The following DTWD2 variants were observed in gnomAD, a reference collection of about 807,000 sequenced individuals.
DTWD2 encodes tRNA-uridine aminocarboxypropyltransferase 2.
Under a neutral mutation model 31.8 loss-of-function variants are expected in DTWD2, and 39 were observed. The ratio of observed to expected loss-of-function variants is 1.22; its 90% confidence interval spans 0.95 to 1.60. DTWD2 has a LOEUF of 1.60. Among genes scored for constraint, DTWD2 ranks in the 40% most tolerant of loss-of-function variants. DTWD2 has a pLI of 0.00. For synonymous variants in DTWD2, 180 were observed against 142.8 expected (o/e 1.26, Z -1.86); for missense variants, 515 against 381.5 (o/e 1.35, Z -2.92).
chr5:118,884,996 C>CAAAAAAAAAAA lies in DTWD2; in HGVS notation c.598-36789_598-36779dup, dbSNP rs36042211. Among the ~76,000 whole-genome samples, 57 of 49,746 alleles carry CAAAAAAAAAAA rather than the reference C, an allele frequency of 1.1e-3. 3 individuals are homozygous for CAAAAAAAAAAA. The highest frequency in any genetic ancestry group is 0.017 in the Middle Eastern group (1 of 58). 32.6% of individuals were successfully genotyped at this position (49,746 alleles called of 152,430 possible). On this transcript the variant is annotated intron_variant, in intron 4 of 5. Transcript: ENST00000510708. The stretch of plus-strand genomic sequence containing the variant: ...GGGGGACAGAGTGAGACTCCATCTC[C>CAAAAAAAAAAA]AAAAAAAAAAAAAAAAAAAAAAATC...
Position 118,965,400 on chromosome 5 carries a change from C to T in DTWD2, c.219-20751G>A, listed in dbSNP as rs1021544369. Among the ~76,000 whole-genome samples the T allele has an allele frequency of 2.5e-4, 38 of 152,088 alleles. 1 individual carries two copies. Among genetic ancestry groups the T allele is most frequent in the Admixed American group, 2.0e-3 (30 of 15,280 alleles). On this transcript the variant is annotated intron_variant, in intron 1 of 5. Coordinates refer to ENST00000510708, the MANE Select transcript of DTWD2 (RefSeq NM_173666.4). ...CTGGGAAGTGAGGAGCCCCTCTGCC[C>T]GGCCGCCACCCCGTCTGGGAGGTGT...
intron 4 of DTWD2, among the ~76,000 whole-genome samples, chr5:118,887,191 G>A (rs1161718728): frequency 6.6e-6 from 1 of 152,064 alleles, no homozygotes; most frequent in Non-Finnish European, 1.5e-5. Context: ...ACTTGCTAGG[G>A]GGTCTTTTAA....
intron 4 of DTWD2, among the ~76,000 whole-genome samples, chr5:118,892,996 T>C (rs1753006322): frequency 6.6e-6 from 1 of 150,920 alleles, no homozygotes; most frequent in South Asian, 2.1e-4. Flanking sequence ...ATGGGAGTGG[T>C]TACTAGGAAA....
At chr5:118,861,937 GA>G (rs1403809287) in intron 4 of DTWD2, among the ~76,000 whole-genome samples, 1 of 152,112 alleles carries the variant, frequency 6.6e-6, no homozygotes, top group Non-Finnish European at 1.5e-5. Context: ...CAGGCAGAGC[GA>G]GTAACAACAG....
chr5:118,964,488 G>C (rs891798944), intron 1 of DTWD2, among the ~76,000 whole-genome samples: 10 of 152,008 alleles, frequency 6.6e-5, no homozygotes, highest in African/African-American at 2.2e-4. Context: ...CTCTGATGCC[G>C]AGCCGAAGCT....
chr5:118,978,048 A>G (rs1353465170), intron 1 of DTWD2, among the ~76,000 whole-genome samples: 1 of 152,166 alleles, frequency 6.6e-6, no homozygotes, highest in Non-Finnish European at 1.5e-5. Flanking sequence ...AAACAAGACT[A>G]CACACCTACA....
intron 4 of DTWD2, among the ~76,000 whole-genome samples, chr5:118,880,564 T>C (rs985434011): frequency 2.6e-5 from 4 of 152,190 alleles, no homozygotes; most frequent in Admixed American, 1.3e-4. Flanking sequence ...TGTTGGGCTA[T>C]GGCATCTCTA....
intron 1 of DTWD2, among the ~76,000 whole-genome samples, chr5:118,973,312 T>A (rs760128929): frequency 6.6e-6 from 1 of 152,212 alleles, no homozygotes; most frequent in Non-Finnish European, 1.5e-5. Context: ...GTTAGCTGGT[T>A]ATTTTGCCCC....
chr5:118,842,914 T>G (rs1352106761), intron 5 of DTWD2, among the ~76,000 whole-genome samples: 2 of 147,044 alleles, frequency 1.4e-5, no homozygotes, highest in African/African-American at 5.0e-5. Context: ...ACCACTGCAC[T>G]CCAGCCTTGG....
At chr5:118,891,157 T>C (rs1752970343) in intron 4 of DTWD2, among the ~76,000 whole-genome samples, 1 of 151,544 alleles carries the variant, frequency 6.6e-6, no homozygotes. Flanking sequence ...CCATTTGTAT[T>C]TAGGTTGTTT....
intron 2 of DTWD2, among the ~76,000 whole-genome samples, chr5:118,940,197 T>C (rs183085246): frequency 1.2e-4 from 18 of 152,344 alleles, no homozygotes; most frequent in Non-Finnish European, 2.5e-4. Flanking sequence ...CTTCCATCAC[T>C]GGAAACCATC....
chr5:118,959,177 T>C (rs1042423198), intron 1 of DTWD2, among the ~76,000 whole-genome samples: 7 of 152,090 alleles, frequency 4.6e-5, no homozygotes, highest in South Asian at 2.1e-4. Context: ...TTGCAGACAA[T>C]ATTCTTTTTT....
intron 1 of DTWD2, among the ~76,000 whole-genome samples, chr5:118,985,490 TTATATATATATA>T (rs56393420): frequency 0.045 from 4,300 of 95,426 alleles, 276 homozygotes; most frequent in African/African-American, 0.14. Flanking sequence ...ATGTGCATTT[TTATATATATATA>T]TATATATATA....
Position 118,853,417 on chromosome 5 carries a change from T to C in DTWD2, c.598-5199A>G, listed in dbSNP as rs527783440. ...TACTGGCTATACACACAAAGGAAAATAAATCATTCTACCAAAAAGATACAT... is the reference window on the plus strand; with the variant it reads ...TACTGGCTATACACACAAAGGAAAACAAATCATTCTACCAAAAAGATACAT... On this transcript the variant is annotated intron_variant, in intron 4 of 5. Transcript: ENST00000510708. 5.3e-5 allele frequency among the ~76,000 whole-genome samples: 8 copies of C among 152,058 alleles called. No homozygotes were observed. In the South Asian group the frequency reaches 6.2e-4, roughly 12 times the overall value.
intron 2 of DTWD2, among the ~76,000 whole-genome samples, chr5:118,942,985 A>G (rs2149585520): frequency 6.6e-6 from 1 of 152,036 alleles, no homozygotes; most frequent in East Asian, 1.9e-4. Context: ...TTATTTGTTT[A>G]TAGAGATGGG....
chr5:118,978,404 C>T (rs1197706857), intron 1 of DTWD2, among the ~76,000 whole-genome samples: 2 of 152,156 alleles, frequency 1.3e-5, no homozygotes, highest in African/African-American at 4.8e-5. Flanking sequence ...AAGATCTCTG[C>T]ACACCAAAAG....
chr5:118,919,434 G>C (rs375507020), intron 4 of DTWD2, among the ~76,000 whole-genome samples: 3 of 152,224 alleles, frequency 2.0e-5, no homozygotes, highest in South Asian at 2.1e-4. Flanking sequence ...GGCTTCTTTA[G>C]GTCTACCACC....
In DTWD2 at chr5:118,928,719, G is replaced by A; in HGVS notation, c.415C>T (p.Leu139Phe). 6.4e-7 allele frequency: 1 copy of A among 1,557,444 alleles called. No homozygotes were observed. Among genetic ancestry groups the A allele is most frequent in the Non-Finnish European group, 8.6e-7 (1 of 1,156,112 alleles). ...RRFSEERDPE[L>F]STVCRKSGTL... is the part of the protein sequence containing the mutation. ...CCAGACTTCCGGCAAACAGTTGAAA[G>A]TTCAGGATCTCTGAAAAAGTTTTTT... The change falls in exon 4 of 6, where the codon CTT (leucine) becomes TTT (phenylalanine). Residue 139 changes from leucine to phenylalanine, a missense_variant. Physicochemically the swap from Leu to Phe is conservative, Grantham distance 22. Coordinates refer to ENST00000510708, the MANE Select transcript of DTWD2 (RefSeq NM_173666.4).
chr5:118,894,820 T>C (rs1753046992), intron 4 of DTWD2, among the ~76,000 whole-genome samples: 1 of 152,078 alleles, frequency 6.6e-6, no homozygotes, highest in East Asian at 1.9e-4. Flanking sequence ...CCTTTCATGA[T>C]AAAAACCCTC....
Sources: gnomAD v4.1 joint callset for allele counts (sites outside exome capture counted in the v4.1 genomes callset) on GRCh38, gnomAD v4.1.1 for gene constraint, MANE v1.5 for transcripts, NCBI Gene and HGNC (gene_info 2026-07-23, HGNC 2026-07-21) for gene names.